Variants in UNC45B observed in about 807,000 individuals in gnomAD.
UNC45B encodes unc-45 myosin chaperone B, also known as protein unc-45 homolog B.
Under a neutral mutation model 98.7 loss-of-function variants are expected in UNC45B, and 78 were observed. That is an observed-to-expected ratio of 0.79 (90% CI 0.66 to 0.95). The LOEUF (loss-of-function observed/expected upper bound fraction) is 0.95. Ranked by LOEUF, UNC45B falls within the 40% of genes least tolerant of loss-of-function variation. The pLI is 0.00. For synonymous variants in UNC45B, 462 were observed against 480.4 expected, an observed-to-expected ratio of 0.96 and a Z score of 0.50; for missense variants, 1,225 against 1,184.9, an observed-to-expected ratio of 1.03 and a Z score of -0.50.
intron 4 of UNC45B, chr17:35,151,219 T>G (rs1228812757): frequency 3.5e-6 from 1 of 288,228 alleles, no homozygotes; most frequent in Non-Finnish European, 6.8e-6. Flanking sequence ...CAAATATGCT[T>G]AAATTCAGCG....
At chr17:35,157,364 G>A (rs34352145) in intron 7 of UNC45B, among the ~76,000 whole-genome samples, 1,861 of 151,996 alleles carry the variant, frequency 0.012, 38 homozygotes, top group African/African-American at 0.042. Flanking sequence ...CTCAGCCTCT[G>A]CTAATTTTTG....
intron 8 of UNC45B, among the ~76,000 whole-genome samples, chr17:35,162,390 G>A (rs1201122640): frequency 6.6e-6 from 1 of 152,180 alleles, no homozygotes; most frequent in Non-Finnish European, 1.5e-5. Flanking sequence ...AGTTTAGGGA[G>A]GAAACAGAAG....
At chr17:35,159,971 T>G (rs2092091285) in intron 8 of UNC45B, among the ~76,000 whole-genome samples, 1 of 152,162 alleles carries the variant, frequency 6.6e-6, no homozygotes, top group Admixed American at 6.6e-5. Flanking sequence ...CTCAATCAAT[T>G]TAGAAGTTTA....
chr17:35,167,962 G>T, intron 9 of UNC45B, 99 bp from the exon 10 acceptor site: 1 of 1,204,818 alleles, frequency 8.3e-7, no homozygotes. Flanking sequence ...CATGAGTGGT[G>T]GAGCCAGGAT....
chr17:35,151,974 G>A (rs754871869), intron 4 of UNC45B, among the ~76,000 whole-genome samples: 9 of 152,138 alleles, frequency 5.9e-5, no homozygotes, highest in Admixed American at 2.6e-4. Flanking sequence ...GGCTGGGTGC[G>A]GTGGCTCACG....
intron 13 of UNC45B, among the ~76,000 whole-genome samples, chr17:35,172,566 A>G (rs987251548): frequency 1.3e-5 from 2 of 152,140 alleles, no homozygotes; most frequent in South Asian, 4.1e-4. Context: ...CATTTTTGAA[A>G]GCTGCATGAT....
At chr17:35,177,178 G>C in intron 16 of UNC45B, 48 bp downstream of exon 16, 1 of 1,514,522 alleles carries the variant, frequency 6.6e-7, no homozygotes, top group Non-Finnish European at 9.1e-7. Flanking sequence ...GGTCTCCTTT[G>C]CTCCTAGAGG....
chr17:35,169,106 C>A (rs751049003), intron 10 of UNC45B, among the ~76,000 whole-genome samples: 4 of 152,058 alleles, frequency 2.6e-5, no homozygotes, highest in Non-Finnish European at 4.4e-5. Context: ...CCCCCATGAT[C>A]TCGGCTTACT....
At chr17:35,166,004 A>G (rs2092136352) in intron 9 of UNC45B, among the ~76,000 whole-genome samples, 1 of 143,074 alleles carries the variant, frequency 7.0e-6, no homozygotes, top group Admixed American at 7.7e-5. Flanking sequence ...TAATCCTAGC[A>G]TTTTGGGAGG....
chr17:35,150,833 C>G (rs980302674), intron 4 of UNC45B, among the ~76,000 whole-genome samples: 1 of 144,672 alleles, frequency 6.9e-6, no homozygotes, highest in African/African-American at 2.5e-5. Context: ...AACATGATCT[C>G]TCTCTCTTTC....
At chr17:35,163,674 T>A (rs183687807) in intron 8 of UNC45B, among the ~76,000 whole-genome samples, 2 of 152,180 alleles carry the variant, frequency 1.3e-5, no homozygotes, top group Non-Finnish European at 2.9e-5. Flanking sequence ...GAAGGGAATA[T>A]GAAATAGTAT....
Position 35,155,481 on chromosome 17 carries a change from A to G in UNC45B, c.808+17A>G, listed in dbSNP as rs751156782. On this transcript the variant is annotated intron_variant, in intron 7 of 19. Transcript: ENST00000394570. Reference sequence around the variant, plus strand: ...TGGTTCTAGGTAGGAAACATTCTTCAGTTTTGATTCAAGGGGATGGGGAAA... The same window carrying G: ...TGGTTCTAGGTAGGAAACATTCTTCGGTTTTGATTCAAGGGGATGGGGAAA... 8.1e-6 allele frequency: 13 copies of G among 1,612,158 alleles called. No individual in the cohort carries two copies. The highest frequency in any genetic ancestry group is 1.7e-6 in the Non-Finnish European group (2 of 1,178,678).
At position 35,177,596 on chromosome 17, in the gene UNC45B, G is replaced by T. The variant is rs1004206605; in HGVS notation, c.2241G>T (p.Arg747=). 1.9e-6 allele frequency: 3 copies of T among 1,554,874 alleles called. No homozygotes were observed. Among genetic ancestry groups the T allele is most frequent in the Non-Finnish European group, 8.7e-7 (1 of 1,148,488 alleles). The change falls in exon 17 of 20, where the codon CGG becomes CGT. Residue 747 remains arginine (R), a synonymous_variant. Coordinates refer to ENST00000394570, the MANE Select transcript of UNC45B (RefSeq NM_001267052.2). ...TAGGCCTCACCAACCTGTCTGGGCG[G>T]AGTGACAAACTCCGGTGAGTGTGGT... ...ALLGLTNLSG[R]SDKLRQKIFK...
At chr17:35,152,688 C>A (rs2092028938) in intron 4 of UNC45B, among the ~76,000 whole-genome samples, 1 of 152,178 alleles carries the variant, frequency 6.6e-6, no homozygotes, top group African/African-American at 2.4e-5. Context: ...CCTTCAGGGG[C>A]AAGGACTTGA....
In UNC45B at chr17:35,156,643, A is replaced by G. The variant is rs1247282797; in HGVS notation, c.808+1179A>G. 2.0e-5 allele frequency among the ~76,000 whole-genome samples: 3 copies of G among 152,144 alleles called. No homozygotes were observed. In the East Asian group the frequency reaches 5.8e-4, roughly 29 times the overall value. ...TCCGTCTCAAAAAAAAAAGGTTAAAATGGTAAATTTTATGTAAATTTTACC... is the reference window on the plus strand; with the variant it reads ...TCCGTCTCAAAAAAAAAAGGTTAAAGTGGTAAATTTTATGTAAATTTTACC... On this transcript the variant is annotated intron_variant, in intron 7 of 19. Transcript: ENST00000394570.
intron 17 of UNC45B, among the ~76,000 whole-genome samples, chr17:35,177,863 T>G (rs2092246847): frequency 6.6e-6 from 1 of 151,828 alleles, no homozygotes; most frequent in East Asian, 1.9e-4. Flanking sequence ...TCTTCTCTTC[T>G]CTTTTCTTTC....
chr17:35,182,388 C>T (rs999092134), intron 18 of UNC45B, among the ~76,000 whole-genome samples: 1 of 151,306 alleles, frequency 6.6e-6, no homozygotes, highest in African/African-American at 2.4e-5. Flanking sequence ...CGCGCCCGGC[C>T]GGGTGGCTCA....
intron 8 of UNC45B, among the ~76,000 whole-genome samples, chr17:35,161,309 T>C (rs1034820053): frequency 2.6e-5 from 4 of 152,332 alleles, no homozygotes; most frequent in Non-Finnish European, 4.4e-5. Flanking sequence ...TGAGGTGTTA[T>C]GTGTTGTGCA....
At position 35,148,231 on chromosome 17, in the gene UNC45B, G is replaced by GCTGA. The variant is rs779076864; in HGVS notation, c.1-31_1-28dup. The GCTGA allele has an allele frequency of 1.9e-6, 3 of 1,612,530 alleles. No individual in the cohort carries two copies. The African/African-American group carries it at 4.0e-5, about 22-fold the overall frequency. ...CCCAGCCCTGGGTCTGCAGTGAGGGGCTGACCAGACAGAGCTTCTCCTGTC... is the reference window on the plus strand; with the variant it reads ...CCCAGCCCTGGGTCTGCAGTGAGGGGCTGACTGACCAGACAGAGCTTCTCCTGTC... On this transcript the variant is annotated intron_variant, in intron 1 of 19. Coordinates refer to ENST00000394570, the MANE Select transcript of UNC45B (RefSeq NM_001267052.2).
Sources: gnomAD v4.1 joint callset for allele counts (sites outside exome capture counted in the v4.1 genomes callset) on GRCh38, gnomAD v4.1.1 for gene constraint, MANE v1.5 for transcripts, NCBI Gene and HGNC (gene_info 2026-07-23, HGNC 2026-07-21) for gene names.